Variants in NIPSNAP2 observed in about 807,000 individuals in gnomAD.
NIPSNAP2 encodes the protein nipsnap homolog 2, also known as protein NipSnap homolog 2.
Under a neutral mutation model 48.4 loss-of-function variants are expected in NIPSNAP2, and 42 were observed. The observed-to-expected ratio is 0.87, with a 90% CI of 0.68 to 1.12. The LOEUF is 1.12. NIPSNAP2 is among the 50% of genes most tolerant of loss of function. The pLI is 0.00. For missense variants in NIPSNAP2, 314 were observed against 347.3 expected (o/e 0.90, Z 0.76); for synonymous variants, 158 against 126.6 (o/e 1.25, Z -1.67).
chr7:55,978,515 A>G lies in NIPSNAP2; in HGVS notation c.278+120A>G, dbSNP rs528807528. The G allele has an allele frequency of 1.4e-5, 13 of 926,010 alleles. No individual in the cohort carries two copies. The East Asian group carries it at 2.4e-4, about 17-fold the overall frequency. 57.4% of individuals were successfully genotyped at this position (926,010 alleles called of 1,614,324 possible). A position where few individuals can be genotyped will look rare whatever the true frequency, so the allele number is the denominator to read the frequency against. On this transcript the variant is annotated intron_variant, in intron 3 of 9. Coordinates refer to ENST00000322090, the MANE Select transcript of NIPSNAP2 (RefSeq NM_001483.3). ...TCATCCCTCTCTTTTGAAGCTGAAC[A>G]TTCAGAGGCTCTTAAACTGAGCTTC...
At chr7:55,969,843 C>T (rs539445119) in intron 1 of NIPSNAP2, among the ~76,000 whole-genome samples, 13 of 151,916 alleles carry the variant, frequency 8.6e-5, no homozygotes, top group Admixed American at 5.9e-4. Context: ...ATTAGCCGGG[C>T]GTGGTGGTGG....
intron 3 of NIPSNAP2, chr7:55,979,598 C>A: frequency 2.8e-6 from 1 of 355,854 alleles, no homozygotes; most frequent in Non-Finnish European, 5.5e-6. Flanking sequence ...TCTCGAGCCC[C>A]ATTCCCAAGT....
In NIPSNAP2 at chr7:55,984,859, A is replaced by G; in HGVS notation, c.598A>G (p.Ile200Val). Residue 200 changes from isoleucine to valine, a missense_variant, in exon 7 of 10, where the codon ATT becomes GTT. Ile to Val is a conservative substitution (Grantham distance 29). Around this residue, in one of 2 missense-constraint regions of NIPSNAP2, gnomAD observed 116 missense variants for 161.8 expected, o/e 0.72. Coordinates refer to ENST00000322090, the MANE Select transcript of NIPSNAP2 (RefSeq NM_001483.3). ...AATCTGTTTTCAGCCAGGAACCATG[A>G]TTGAATGGGGCAATTACTGGTGAGT... ...RSYQLRPGTMIEWGNYWARAI... is the reference protein window; with the variant it reads ...RSYQLRPGTMVEWGNYWARAI... 1 of 1,610,556 alleles carries G rather than the reference A, an allele frequency of 6.2e-7. No individual in the cohort carries two copies. The highest frequency in any genetic ancestry group is 8.5e-7 in the Non-Finnish European group (1 of 1,178,714).
chr7:55,999,191 T>C lies in NIPSNAP2; in HGVS notation c.*119T>C. The C allele has an allele frequency of 2.6e-6, 2 of 779,302 alleles. No individual in the cohort carries two copies. Among genetic ancestry groups the C allele is most frequent in the South Asian group, 3.2e-5 (2 of 62,024 alleles). The allele number at this position is 779,302 out of a possible 1,614,324, so 48.3% of individuals were successfully genotyped here. A position where few individuals can be genotyped will look rare whatever the true frequency, so the allele number is the denominator to read the frequency against. On this transcript the variant is annotated 3_prime_UTR_variant, in exon 10 of 10. Transcript: ENST00000322090. ...GAGGTTTTAAGCTGCTGTATATAGC[T>C]TGTGAGAAACCTCTTTTCTTTAAAA...
chr7:55,980,633 A>G (rs1327923192), intron 3 of NIPSNAP2: 3 of 152,176 alleles, frequency 2.0e-5, no homozygotes, highest in Admixed American at 2.0e-4. Flanking sequence ...CTTTCCCTGT[A>G]CATTAGAATC....
intron 9 of NIPSNAP2, among the ~76,000 whole-genome samples, chr7:55,998,266 T>C (rs1787606577): frequency 6.6e-6 from 1 of 151,734 alleles, no homozygotes; most frequent in Non-Finnish European, 1.5e-5. Flanking sequence ...AAAAAGTGTA[T>C]CTCAGCCCCT....
rs1245463569 is a variant in NIPSNAP2 at position 55,996,995 on chromosome 7, C to CA, written c.713-364dup. 4.0e-5 allele frequency among the ~76,000 whole-genome samples: 6 copies of CA among 151,650 alleles called. No homozygotes were observed. The East Asian group carries it at 1.2e-3, about 29-fold the overall frequency. ...CAGGAGTTTGACATCTGACTGGGCA[C>CA]AAAAAAATACAAAAATTAGCCAATG... is the stretch of plus-strand genomic sequence containing the variant. On this transcript the variant is annotated intron_variant, in intron 8 of 9. Transcript: ENST00000322090.
intron 7 of NIPSNAP2, among the ~76,000 whole-genome samples, chr7:55,988,669 G>A (rs920612640): frequency 2.6e-5 from 4 of 152,058 alleles, no homozygotes; most frequent in Non-Finnish European, 4.4e-5. Flanking sequence ...GACCGACCTG[G>A]CCAACGTGAC....
intron 4 of NIPSNAP2, 86 bp downstream of exon 4, chr7:55,981,653 TATC>T (rs1048653787): frequency 1.1e-5 from 9 of 829,296 alleles, no homozygotes; most frequent in East Asian, 2.5e-5. Context: ...TGCTTGTTCT[TATC>T]ATCAAAGCTT....
chr7:55,965,995 A>G (rs999665700), intron 1 of NIPSNAP2, among the ~76,000 whole-genome samples: 4 of 152,202 alleles, frequency 2.6e-5, no homozygotes, highest in Non-Finnish European at 4.4e-5. Context: ...CTGTTCTGCC[A>G]AAATGTGAGT....
intron 1 of NIPSNAP2, among the ~76,000 whole-genome samples, chr7:55,968,452 C>T (rs1786943228): frequency 6.7e-6 from 1 of 150,114 alleles, no homozygotes; most frequent in Admixed American, 6.7e-5. Flanking sequence ...GTGGGGTGAT[C>T]TCGGCTCGCT....
In NIPSNAP2 at chr7:55,983,723, C is replaced by T. The variant is rs183420133; in HGVS notation, c.445-5C>T. The T allele has an allele frequency of 1.2e-5, 20 of 1,611,770 alleles. No homozygotes were observed. Among genetic ancestry groups the T allele is most frequent in the Non-Finnish European group, 1.6e-5 (19 of 1,179,410 alleles). On this transcript the variant is annotated splice_polypyrimidine_tract_variant and splice_region_variant and intron_variant, in intron 5 of 9. Coordinates refer to ENST00000322090, the MANE Select transcript of NIPSNAP2 (RefSeq NM_001483.3). ...ATTTCATGAGCACATTTTTTTCACT[C>T]AAAGGAATTTTTGGAATTTCGTAAG...
intron 7 of NIPSNAP2, among the ~76,000 whole-genome samples, chr7:55,987,509 C>T (rs1318210361): frequency 6.6e-6 from 1 of 152,048 alleles, no homozygotes; most frequent in Non-Finnish European, 1.5e-5. Context: ...GCACCTGTAG[C>T]CCCAGCTACT....
At chr7:55,968,322 G>C (rs1207385324) in intron 1 of NIPSNAP2, among the ~76,000 whole-genome samples, 5 of 151,620 alleles carry the variant, frequency 3.3e-5, no homozygotes, top group African/African-American at 1.2e-4. Flanking sequence ...CTGTCATTGT[G>C]TTTTGGAGGT....
intron 4 of NIPSNAP2, 30 bp from the exon 5 acceptor site, chr7:55,982,180 A>G: frequency 1.4e-6 from 2 of 1,435,556 alleles, no homozygotes; most frequent in African/African-American, 1.4e-5. Flanking sequence ...GAAATTCTAA[A>G]CGTATACTGT....
chr7:55,982,358 C>A, intron 5 of NIPSNAP2, 78 bp downstream of exon 5: 1 of 883,966 alleles, frequency 1.1e-6, no homozygotes, highest in Non-Finnish European at 1.8e-6. Flanking sequence ...TTTCTGTCTT[C>A]AGTTTTTGTT....
At chr7:55,966,341 TCA>T (rs1786895344) in intron 1 of NIPSNAP2, among the ~76,000 whole-genome samples, 1 of 152,194 alleles carries the variant, frequency 6.6e-6, no homozygotes, top group South Asian at 2.1e-4. Context: ...ACGCAGTGAC[TCA>T]CACTTGTAAT....
chr7:55,982,730 C>T (rs1462955387), intron 5 of NIPSNAP2, among the ~76,000 whole-genome samples: 1 of 148,346 alleles, frequency 6.7e-6, no homozygotes, highest in Non-Finnish European at 1.5e-5. Context: ...CCAGCCTGGG[C>T]GACAGAGCAA....
At chr7:55,992,504 G>A (rs1314006938) in intron 7 of NIPSNAP2, among the ~76,000 whole-genome samples, 2 of 151,852 alleles carry the variant, frequency 1.3e-5, no homozygotes, top group Non-Finnish European at 1.5e-5. Flanking sequence ...AAGGAGATTG[G>A]CTTAGTCACT....
Sources: gnomAD v4.1 joint callset for allele counts (sites outside exome capture counted in the v4.1 genomes callset) on GRCh38, gnomAD v4.1.1 for gene constraint, gnomAD v4.1.1 regional missense constraint, MANE v1.5 for transcripts, NCBI Gene and HGNC (gene_info 2026-07-23, HGNC 2026-07-21) for gene names.